The following OPCML variants were observed in gnomAD, a reference collection of about 807,000 sequenced individuals.
OPCML encodes the protein opioid-binding protein/cell adhesion molecule.
Under a neutral mutation model 37.8 loss-of-function variants are expected in OPCML, and 13 were observed. That is an observed-to-expected ratio of 0.34 (90% CI 0.22 to 0.55). The LOEUF (loss-of-function observed/expected upper bound fraction) is 0.55, where lower values mean the gene tolerates loss of function less well. Among genes scored for constraint, OPCML ranks in the 20% least tolerant of loss-of-function variants. The probability of loss-of-function intolerance (pLI) is 0.91; values close to 1 mark genes in which losing one functional copy is unlikely to be tolerated. For synonymous variants in OPCML, 176 were observed against 168.8 expected (o/e 1.04, Z -0.33); for missense variants, 341 against 435.6 (o/e 0.78, Z 1.93).
intron 1 of OPCML, among the ~76,000 whole-genome samples, chr11:132,944,115 TTCGCTCCG>T (rs1285978921): frequency 1.3e-5 from 2 of 151,584 alleles, no homozygotes; most frequent in African/African-American, 4.9e-5. Context: ...CCGCGCCCAC[TTCGCTCCG>T]TCCCGACACC....
chr11:132,569,719 T>A (rs1332529266), intron 3 of OPCML, among the ~76,000 whole-genome samples: 3 of 152,090 alleles, frequency 2.0e-5, no homozygotes, highest in Non-Finnish European at 4.4e-5. Flanking sequence ...TTTAAAACTA[T>A]CAGAGAGAAA....
intron 4 of OPCML, among the ~76,000 whole-genome samples, chr11:132,465,711 G>C (rs1490063166): frequency 1.3e-5 from 2 of 151,962 alleles, no homozygotes; most frequent in East Asian, 1.9e-4. Flanking sequence ...TCTGTCAGCT[G>C]CTTTTATAAC....
Position 133,211,097 on chromosome 11 carries a change from C to A in OPCML, c.62-268087G>T, listed in dbSNP as rs1023518922. ...AATGAGGCATCATTCAAAACAGAGGCTTGCCCACTGCAACTCAGCTTTCTA... is the reference window on the plus strand; with the variant it reads ...AATGAGGCATCATTCAAAACAGAGGATTGCCCACTGCAACTCAGCTTTCTA... On this transcript the variant is annotated intron_variant, in intron 1 of 7. Transcript: ENST00000524381. The surrounding 1 kb of genome is among the most constrained non-coding windows in gnomAD (Gnocchi z 4.1). Among the ~76,000 whole-genome samples, 1 of 152,198 alleles carries A rather than the reference C, an allele frequency of 6.6e-6. No individual in the cohort carries two copies. The highest frequency in any genetic ancestry group is 1.5e-5 in the Non-Finnish European group (1 of 68,022).
intron 3 of OPCML, among the ~76,000 whole-genome samples, chr11:132,532,083 G>A (rs764955344): frequency 6.6e-6 from 1 of 152,152 alleles, no homozygotes; most frequent in African/African-American, 2.4e-5. Flanking sequence ...TATCTCATGC[G>A]ATAGTGTGAA....
At chr11:133,340,604 C>CTGTGTG (rs1198927456) in intron 1 of OPCML, among the ~76,000 whole-genome samples, 12 of 106,082 alleles carry the variant, frequency 1.1e-4, no homozygotes, top group Non-Finnish European at 1.7e-4. Context: ...AATTAAGACT[C>CTGTGTG]TCTCTGTGTG....
At chr11:132,607,358 G>T (rs1487181215) in intron 3 of OPCML, among the ~76,000 whole-genome samples, 1 of 152,110 alleles carries the variant, frequency 6.6e-6, no homozygotes, top group East Asian at 1.9e-4. Flanking sequence ...CTGGACTGTA[G>T]GTTCTTTGAA....
chr11:132,938,910 C>A (rs1945482672), intron 2 of OPCML, among the ~76,000 whole-genome samples: 1 of 152,108 alleles, frequency 6.6e-6, no homozygotes, highest in Non-Finnish European at 1.5e-5. Context: ...CACGTCCATC[C>A]CCAAACCCAG....
chr11:132,773,339 C>T (rs1442533936), intron 2 of OPCML: 3 of 152,182 alleles, frequency 2.0e-5, no homozygotes, highest in Non-Finnish European at 4.4e-5. Context: ...GAAATACCAA[C>T]CACAGGCTCT....
chr11:132,440,178 A>G (rs543807078), intron 4 of OPCML, among the ~76,000 whole-genome samples: 127 of 152,334 alleles, frequency 8.3e-4, no homozygotes, highest in Non-Finnish European at 1.1e-3. Flanking sequence ...GGGACCAGTT[A>G]TGCAACAGCA....
intron 2 of OPCML, among the ~76,000 whole-genome samples, chr11:132,803,559 C>A (rs909781777): frequency 1.3e-5 from 2 of 152,144 alleles, no homozygotes; most frequent in Non-Finnish European, 2.9e-5. Context: ...GGGAGGGAAC[C>A]AGAGGCCTAA....
chr11:132,897,210 G>C (rs928028114), intron 2 of OPCML, among the ~76,000 whole-genome samples: 2 of 152,350 alleles, frequency 1.3e-5, no homozygotes, highest in Non-Finnish European at 2.9e-5. Flanking sequence ...AATCACAGCA[G>C]AAGTTCTTAG....
intron 1 of OPCML, among the ~76,000 whole-genome samples, chr11:133,097,508 A>G (rs1174618766): frequency 2.0e-5 from 3 of 152,324 alleles, no homozygotes; most frequent in East Asian, 3.9e-4. Flanking sequence ...AAGAAAATAA[A>G]TAGTACAATT....
At chr11:132,459,524 T>TAC (rs925978703) in intron 4 of OPCML, among the ~76,000 whole-genome samples, 34 of 148,066 alleles carry the variant, frequency 2.3e-4, no homozygotes, top group African/African-American at 8.1e-4. Flanking sequence ...TATATATATA[T>TAC]ACACACATAT....
intron 2 of OPCML, among the ~76,000 whole-genome samples, chr11:132,906,668 A>T (rs987502105): frequency 1.3e-5 from 2 of 152,234 alleles, no homozygotes; most frequent in Non-Finnish European, 2.9e-5. Flanking sequence ...GTGTACAGGA[A>T]AGGAAAAGAG....
chr11:133,018,877 C>G (rs1477287867), intron 1 of OPCML, among the ~76,000 whole-genome samples: 1 of 152,234 alleles, frequency 6.6e-6, no homozygotes, highest in Non-Finnish European at 1.5e-5. Context: ...TGAGGACTGA[C>G]AAAACCAAAG....
intron 3 of OPCML, among the ~76,000 whole-genome samples, chr11:132,535,792 T>C (rs181716459): frequency 1.8e-4 from 27 of 152,216 alleles, no homozygotes; most frequent in Admixed American, 4.6e-4. Flanking sequence ...ATCTTGCGGT[T>C]TCCTCCCCTA....
intron 1 of OPCML, among the ~76,000 whole-genome samples, chr11:133,140,824 G>GACA (rs1329492790): frequency 4.2e-5 from 1 of 23,828 alleles, no homozygotes; most frequent in African/African-American, 8.6e-5. Context: ...CGAAGAAGAA[G>GACA]ACGACGACGA....
chr11:132,917,586 G>A (rs895882666), intron 2 of OPCML, among the ~76,000 whole-genome samples: 1 of 152,156 alleles, frequency 6.6e-6, no homozygotes, highest in Non-Finnish European at 1.5e-5. Flanking sequence ...AATTAACAGT[G>A]TTCTGAGGTA....
At chr11:132,997,401 T>A (rs1946907673) in intron 1 of OPCML, among the ~76,000 whole-genome samples, 1 of 152,178 alleles carries the variant, frequency 6.6e-6, no homozygotes, top group South Asian at 2.1e-4. Context: ...GTGAATCAAA[T>A]ACACTTCCCT....
Sources: gnomAD v4.1 joint callset for allele counts (sites outside exome capture counted in the v4.1 genomes callset) on GRCh38, gnomAD v4.1.1 for gene constraint, Gnocchi (gnomAD v3.1) non-coding constraint, MANE v1.5 for transcripts, NCBI Gene and HGNC (gene_info 2026-07-23, HGNC 2026-07-21) for gene names.